The following CTDSPL2 variants were observed in gnomAD, a reference collection of about 807,000 sequenced individuals.
The protein encoded by CTDSPL2 is CTD small phosphatase like 2.
Under a neutral mutation model 60.0 loss-of-function variants are expected in CTDSPL2, and 5 were observed. The observed-to-expected ratio is 0.08, with a 90% CI of 0.04 to 0.18. CTDSPL2 has a LOEUF of 0.18. Among genes scored for constraint, CTDSPL2 ranks in the 10% least tolerant of loss-of-function variants. The pLI is 1.00. For missense variants in CTDSPL2, 370 were observed against 548.8 expected (o/e 0.67, Z 3.26); for synonymous variants, 186 against 189.3 (o/e 0.98, Z 0.14).
intron 3 of CTDSPL2, 33 bp from the exon 4 acceptor site, chr15:44,486,518 T>G (rs559419490): frequency 1.4e-6 from 2 of 1,456,174 alleles, no homozygotes. Context: ...CAGTGTTTTC[T>G]AGATCATGAC....
intron 1 of CTDSPL2, among the ~76,000 whole-genome samples, chr15:44,433,279 AT>A: frequency 6.9e-6 from 1 of 145,966 alleles, no homozygotes; most frequent in East Asian, 2.1e-4. Context: ...GGTGCCATCC[AT>A]TGCACTCCAG....
intron 2 of CTDSPL2, among the ~76,000 whole-genome samples, chr15:44,465,712 C>CTTTTT (rs772862374): frequency 3.9e-5 from 5 of 128,028 alleles, no homozygotes; most frequent in Non-Finnish European, 8.2e-5. Flanking sequence ...TCCTCCTCCT[C>CTTTTT]TTTTTTTTTT....
chr15:44,517,669 A>G lies in CTDSPL2; in HGVS notation c.1113-1500A>G, dbSNP rs1050536777. 7.2e-5 allele frequency among the ~76,000 whole-genome samples: 11 copies of G among 152,182 alleles called. 1 individual carries two copies. Among genetic ancestry groups the G allele is most frequent in the Admixed American group, 7.2e-4 (11 of 15,278 alleles). ...GAATAATTGGAAGGCTTTTACTGTAATTTAATTAAAATAACTGTAGTATCC... is the reference window on the plus strand; with the variant it reads ...GAATAATTGGAAGGCTTTTACTGTAGTTTAATTAAAATAACTGTAGTATCC... On this transcript the variant is annotated intron_variant, in intron 10 of 12. Transcript: ENST00000260327.
intron 5 of CTDSPL2, among the ~76,000 whole-genome samples, chr15:44,495,141 T>C (rs1176369292): frequency 1.3e-5 from 2 of 152,058 alleles, no homozygotes; most frequent in Non-Finnish European, 1.5e-5. Flanking sequence ...CCAGCTAATT[T>C]TGTATTTCTA....
At chr15:44,497,592 G>A (rs1460769933) in intron 7 of CTDSPL2, among the ~76,000 whole-genome samples, 3 of 152,132 alleles carry the variant, frequency 2.0e-5, no homozygotes, top group Non-Finnish European at 2.9e-5. Flanking sequence ...AGATGGTCTC[G>A]ACCTCCTGAC....
At chr15:44,463,251 C>T (rs979770537) in intron 2 of CTDSPL2, among the ~76,000 whole-genome samples, 2 of 152,148 alleles carry the variant, frequency 1.3e-5, no homozygotes, top group South Asian at 2.1e-4. Flanking sequence ...AAGTGATTCT[C>T]CTGCCTCAGC....
intron 8 of CTDSPL2, among the ~76,000 whole-genome samples, chr15:44,504,167 G>A (rs1056923534): frequency 1.3e-5 from 2 of 152,076 alleles, no homozygotes; most frequent in African/African-American, 4.8e-5. Flanking sequence ...GGCCAACATG[G>A]CAAAACCCTA....
chr15:44,525,696 A>C lies in CTDSPL2; in HGVS notation c.*1522A>C. ...ACAACTTACTGTACAAATTACATGC[A>C]GCTTCATTTTCAAATGAATCCTTAA... On this transcript the variant is annotated 3_prime_UTR_variant, in exon 13 of 13. Transcript: ENST00000260327. The C allele has an allele frequency of 2.6e-6, 1 of 388,436 alleles. No individual in the cohort carries two copies. The highest frequency in any genetic ancestry group is 4.6e-6 in the Non-Finnish European group (1 of 219,682). The allele number at this position is 388,436 out of a possible 1,614,324, so 24.1% of individuals were successfully genotyped here.
At chr15:44,521,633 C>A (rs188283672) in intron 12 of CTDSPL2, among the ~76,000 whole-genome samples, 1 of 152,028 alleles carries the variant, frequency 6.6e-6, no homozygotes, top group African/African-American at 2.4e-5. Context: ...TAGTGAGACT[C>A]CAGCTCTTTA....
chr15:44,493,600 C>T (rs1421360922), intron 5 of CTDSPL2, among the ~76,000 whole-genome samples: 1 of 152,006 alleles, frequency 6.6e-6, no homozygotes, highest in African/African-American at 2.4e-5. Flanking sequence ...TTGAGACTAG[C>T]CTGGGCAATA....
At chr15:44,490,583 C>T (rs1247491576) in intron 4 of CTDSPL2, among the ~76,000 whole-genome samples, 2 of 152,138 alleles carry the variant, frequency 1.3e-5, no homozygotes, top group Non-Finnish European at 2.9e-5. Context: ...AAACTTTGCT[C>T]ACAAATGTTA....
At chr15:44,469,499 T>G (rs992649615) in intron 2 of CTDSPL2, among the ~76,000 whole-genome samples, 1 of 152,176 alleles carries the variant, frequency 6.6e-6, no homozygotes. Flanking sequence ...TGCCATATAT[T>G]TTGATACCTT....
chr15:44,459,298 CAGGT>C, intron 2 of CTDSPL2, 98 bp downstream of exon 2: 2 of 743,138 alleles, frequency 2.7e-6, no homozygotes, highest in Non-Finnish European at 4.2e-6. Flanking sequence ...GAGCCCCAGG[CAGGT>C]GGATCACGAG....
At chr15:44,514,876 T>C (rs751590074) in intron 10 of CTDSPL2, 32 bp downstream of exon 10, 1 of 1,222,030 alleles carries the variant, frequency 8.2e-7, no homozygotes, top group Admixed American at 2.1e-5. Flanking sequence ...TGGAAATGTC[T>C]GTCACACTGA....
At chr15:44,515,980 C>CTTTTTTTTTTTTTTTTTT (rs1413702886) in intron 10 of CTDSPL2, among the ~76,000 whole-genome samples, 1 of 145,150 alleles carries the variant, frequency 6.9e-6, no homozygotes, top group African/African-American at 2.6e-5. Flanking sequence ...TTCTTTCTTT[C>CTTTTTTTTTTTTTTTTTT]TTTTTCTTTT....
rs770167125 is a variant in CTDSPL2, at chr15:44,524,137, A to G, written c.1364A>G (p.Asp455Gly). 6.2e-7 allele frequency: 1 copy of G among 1,614,026 alleles called. No individual in the cohort carries two copies. The highest frequency in any genetic ancestry group is 8.5e-7 in the Non-Finnish European group (1 of 1,179,966). Residue 455 changes from aspartate to glycine, a missense_variant, in exon 13 of 13, where the codon GAC (aspartate) becomes GGC (glycine). Transcript: ENST00000260327. ...GAAGATGTTCGACCACACATCAGAG[A>G]CAGATTTCGCTTGCATGATTTGCTG... The part of the protein sequence containing the change: ...LNEDVRPHIR[D>G]RFRLHDLLPP...
chr15:44,493,538 A>G (rs532422500), intron 5 of CTDSPL2, among the ~76,000 whole-genome samples: 1 of 152,332 alleles, frequency 6.6e-6, no homozygotes, highest in Non-Finnish European at 1.5e-5. Context: ...TCATGCCTAT[A>G]ATCACAGCAC....
chr15:44,486,787 A>T lies in CTDSPL2; in HGVS notation c.475+87A>T, dbSNP rs147667845. 1,379 of 1,005,184 alleles carry T rather than the reference A, an allele frequency of 1.4e-3. 11 individuals are homozygous for T. The African/African-American group carries it at 0.019, about 14-fold the overall frequency. The allele number at this position is 1,005,184 out of a possible 1,614,324, so 62.3% of individuals were successfully genotyped here. A position where few individuals can be genotyped will look rare whatever the true frequency, so the allele number is the denominator to read the frequency against. ...TTTTTTTTTTTTTTTCTTGAGACGA[A>T]GTCTCTCTTTGTTGCCCAGGCTGGA... is the stretch of plus-strand genomic sequence containing the variant. On this transcript the variant is annotated intron_variant, in intron 4 of 12. Coordinates refer to ENST00000260327, the MANE Select transcript of CTDSPL2 (RefSeq NM_016396.3).
chr15:44,454,090 G>C lies in CTDSPL2; in HGVS notation c.-24-4901G>C, dbSNP rs1160993371. Among the ~76,000 whole-genome samples, 5 of 152,302 alleles carry C rather than the reference G, an allele frequency of 3.3e-5. No homozygotes were observed. The Middle Eastern group carries it at 0.014, about 414-fold the overall frequency. On this transcript the variant is annotated intron_variant, in intron 1 of 12. Transcript: ENST00000260327. ...CTCCACATCCTCTCCAGCACCTGTT[G>C]TTTCCTGACTTTTTAATGATCGCCA... is the stretch of plus-strand genomic sequence containing the variant.
Sources: gnomAD v4.1 joint callset for allele counts (sites outside exome capture counted in the v4.1 genomes callset) on GRCh38, gnomAD v4.1.1 for gene constraint, MANE v1.5 for transcripts, NCBI Gene and HGNC (gene_info 2026-07-23, HGNC 2026-07-21) for gene names.